Variants in TSNARE1 observed in about 807,000 individuals in gnomAD.
TSNARE1 encodes the protein t-SNARE domain-containing protein 1.
In TSNARE1, 49 loss-of-function variants were observed where a neutral mutation model predicts 62.0. The observed-to-expected ratio is 0.79, with a 90% confidence interval of 0.63 to 1.00. The LOEUF (loss-of-function observed/expected upper bound fraction) is 1.00, where lower values mean the gene tolerates loss of function less well. TSNARE1 is among the 50% of genes least tolerant of loss of function. TSNARE1 has a pLI of 0.00. For synonymous variants in TSNARE1, 328 were observed against 294.4 expected, an observed-to-expected ratio of 1.11 and a Z score of -1.17; for missense variants, 755 against 700.1, an observed-to-expected ratio of 1.08 and a Z score of -0.88.
intron 2 of TSNARE1, among the ~76,000 whole-genome samples, chr8:142,352,311 A>G (rs7463612): frequency 0.31 from 47,780 of 152,252 alleles, 9,800 homozygotes; most frequent in African/African-American, 0.58. Flanking sequence ...TCAGAGAAAC[A>G]TCCTTCCAAC....
upstream of TSNARE1, chr8:142,405,577 A>G (rs1451556225): frequency 6.6e-6 from 1 of 152,268 alleles, no homozygotes; most frequent in Admixed American, 6.5e-5. Flanking sequence ...GGCAGCACCC[A>G]CTAAAGCCAA....
At chr8:142,390,176 G>A (rs972795658) in intron 1 of TSNARE1, among the ~76,000 whole-genome samples, 3 of 152,250 alleles carry the variant, frequency 2.0e-5, no homozygotes, top group South Asian at 2.1e-4. Context: ...GCCTGCGTGC[G>A]TCAGGGAGTG....
At chr8:142,392,824 C>G (rs559858680) in intron 1 of TSNARE1, among the ~76,000 whole-genome samples, 12 of 152,018 alleles carry the variant, frequency 7.9e-5, no homozygotes, top group Non-Finnish European at 1.3e-4. Context: ...CCTGTAATCC[C>G]AGCTACTAAA....
At chr8:142,220,421 G>C (rs1195340212) in intron 13 of TSNARE1, among the ~76,000 whole-genome samples, 1 of 152,168 alleles carries the variant, frequency 6.6e-6, no homozygotes, top group African/African-American at 2.4e-5. Context: ...TGGAGCTCAG[G>C]GAGGCTGGGT....
intron 4 of TSNARE1, among the ~76,000 whole-genome samples, chr8:142,340,280 C>G (rs1305894716): frequency 2.0e-5 from 3 of 152,226 alleles, no homozygotes; most frequent in East Asian, 1.9e-4. Flanking sequence ...CGTGTTTCCT[C>G]GTGATGGCAG....
At chr8:142,222,660 T>C (rs1344467572) in intron 13 of TSNARE1, among the ~76,000 whole-genome samples, 1 of 139,440 alleles carries the variant, frequency 7.2e-6, no homozygotes, top group African/African-American at 2.8e-5. Context: ...ATCCACTCAT[T>C]CACTCACTCA....
intron 10 of TSNARE1, among the ~76,000 whole-genome samples, chr8:142,286,055 T>C (rs1822690378): frequency 6.6e-6 from 1 of 152,140 alleles, no homozygotes; most frequent in South Asian, 2.1e-4. Context: ...ACCGACCAGA[T>C]GCCCACTCCT....
At position 142,300,474 on chromosome 8, in the gene TSNARE1, C is replaced by T. The variant is rs746976510; in HGVS notation, c.1290+12G>A. 4.6e-5 allele frequency: 74 copies of T among 1,596,398 alleles called. No homozygotes were observed. The highest frequency in any genetic ancestry group is 3.3e-4 in the Middle Eastern group (2 of 6,056). Reference sequence around the variant, plus strand: ...TGTGGAGAGTGAGCACGCTTGCCCACGCCAGCCTCACCTCCATCTGCAGGA... The same window carrying T: ...TGTGGAGAGTGAGCACGCTTGCCCATGCCAGCCTCACCTCCATCTGCAGGA... On this transcript the variant is annotated intron_variant, in intron 10 of 13. Coordinates refer to ENST00000524325, the MANE Select transcript of TSNARE1 (RefSeq NM_145003.5).
chr8:142,405,383 G>T (rs1838570677), upstream of TSNARE1: 1 of 152,142 alleles, frequency 6.6e-6, no homozygotes, highest in Admixed American at 6.5e-5. Context: ...TGGCCAACCA[G>T]TGAGACCAAC....
At chr8:142,276,049 C>T in intron 11 of TSNARE1, 2 of 985,428 alleles carry the variant, frequency 2.0e-6, no homozygotes, top group Non-Finnish European at 2.4e-6. Context: ...CCCTTGGTCA[C>T]CAGCTCCACC....
chr8:142,223,298 C>CCACT (rs200283779), intron 13 of TSNARE1, among the ~76,000 whole-genome samples: 2 of 55,066 alleles, frequency 3.6e-5, no homozygotes, highest in Middle Eastern at 0.02. Context: ...ACTCACTCAA[C>CCACT]CACTCACTCA....
chr8:142,358,713 C>T (rs564944380), intron 1 of TSNARE1, among the ~76,000 whole-genome samples: 94 of 151,774 alleles, frequency 6.2e-4, no homozygotes, highest in African/African-American at 2.3e-3. Context: ...ATGTCTTCTG[C>T]CTATTCACGG....
chr8:142,404,676 G>A (rs1157620202), upstream of TSNARE1: 12 of 152,410 alleles, frequency 7.9e-5, no homozygotes, highest in African/African-American at 2.4e-5. Context: ...CAGGGAAGCC[G>A]GCTCCTAACC....
chr8:142,333,987 T>C (rs749863890), intron 4 of TSNARE1, among the ~76,000 whole-genome samples: 9 of 152,156 alleles, frequency 5.9e-5, no homozygotes, highest in Non-Finnish European at 1.3e-4. Context: ...ATGAGTTAAA[T>C]CAAGTTTAGC....
rs544720075 is a variant in TSNARE1 at position 142,393,454 on chromosome 8, T to G, written c.-40+9650A>C. ...GGCCAATCCGCTGGCTGTGCTACTG[T>G]CCTCGTTCTGCACAAAGCTACCACG... On this transcript the variant is annotated intron_variant, in intron 1 of 13. Coordinates refer to ENST00000524325, the MANE Select transcript of TSNARE1 (RefSeq NM_145003.5). Among the ~76,000 whole-genome samples the G allele has an allele frequency of 3.7e-4, 56 of 152,368 alleles. No homozygotes were observed. In the South Asian group the frequency reaches 0.011, roughly 30 times the overall value.
At chr8:142,278,000 T>C in intron 11 of TSNARE1, 1 of 985,360 alleles carries the variant, frequency 1.0e-6, no homozygotes, top group Non-Finnish European at 1.2e-6. Flanking sequence ...TGCAAGAATC[T>C]GCCCTTCAGG....
chr8:142,332,672 C>T (rs1348944342), intron 4 of TSNARE1, among the ~76,000 whole-genome samples: 1 of 152,152 alleles, frequency 6.6e-6, no homozygotes, highest in Non-Finnish European at 1.5e-5. Flanking sequence ...AACGGCACGG[C>T]CACCATGGGA....
At chr8:142,308,597 C>T (rs549845454) in intron 9 of TSNARE1, among the ~76,000 whole-genome samples, 4 of 152,142 alleles carry the variant, frequency 2.6e-5, no homozygotes, top group South Asian at 2.1e-4. Context: ...TTGGTGTGTC[C>T]GTGGGCTGGT....
chr8:142,263,914 C>T (rs111386138), intron 12 of TSNARE1, among the ~76,000 whole-genome samples: 81 of 152,308 alleles, frequency 5.3e-4, no homozygotes, highest in African/African-American at 1.9e-3. Context: ...AAAATTTTAA[C>T]AAGTTAAAGT....
Sources: gnomAD v4.1 joint callset for allele counts (sites outside exome capture counted in the v4.1 genomes callset) on GRCh38, gnomAD v4.1.1 for gene constraint, MANE v1.5 for transcripts, NCBI Gene and HGNC (gene_info 2026-07-23, HGNC 2026-07-21) for gene names.